Variants in ANO4 observed in about 807,000 individuals in gnomAD.
ANO4 encodes the protein anoctamin-4.
In ANO4, 69 loss-of-function variants were observed where a neutral mutation model predicts 141.9. The observed-to-expected ratio is 0.49, with a 90% CI of 0.40 to 0.59. The LOEUF is 0.59. Ranked by LOEUF, ANO4 falls within the 20% of genes least tolerant of loss-of-function variation. The pLI, the probability that ANO4 is intolerant of heterozygous loss-of-function variation, is 0.00. For missense variants in ANO4, 894 were observed against 1,162.2 expected (o/e 0.77, Z 3.36); for synonymous variants, 350 against 394.3 (o/e 0.89, Z 1.33).
chr12:101,125,244 C>G (rs1171792515), intron 26 of ANO4, among the ~76,000 whole-genome samples: 1 of 152,090 alleles, frequency 6.6e-6, no homozygotes, highest in South Asian at 2.1e-4. Flanking sequence ...AATGGGAGTT[C>G]ATCCATGATT....
intron 15 of ANO4, among the ~76,000 whole-genome samples, chr12:101,081,519 C>T (rs891159253): frequency 6.6e-6 from 1 of 152,194 alleles, no homozygotes; most frequent in African/African-American, 2.4e-5. Context: ...CATACGTAGC[C>T]ATTCCCAGCT....
intron 24 of ANO4, among the ~76,000 whole-genome samples, chr12:101,114,217 T>C (rs189926305): frequency 6.6e-6 from 1 of 152,368 alleles, no homozygotes; most frequent in East Asian, 1.9e-4. Context: ...CTGAATTTTA[T>C]ACAGCAAAAT....
At chr12:100,778,626 G>T (rs899869011) in intron 3 of ANO4, among the ~76,000 whole-genome samples, 1 of 152,004 alleles carries the variant, frequency 6.6e-6, no homozygotes, top group African/African-American at 2.4e-5. Context: ...TGGGTTCCTG[G>T]GATCTCCACC....
Position 100,901,641 on chromosome 12 carries a change from T to C in ANO4, c.-140-5T>C. 1.3e-6 allele frequency: 1 copy of C among 783,732 alleles called. No homozygotes were observed. The highest frequency in any genetic ancestry group is 2.3e-4 in the Middle Eastern group (1 of 4,382). The allele number at this position is 783,732 out of a possible 1,614,324, so 48.5% of individuals were successfully genotyped here. On this transcript the variant is annotated splice_polypyrimidine_tract_variant and splice_region_variant and intron_variant, in intron 1 of 27. Transcript: ENST00000392977. ...TCAGTCTAATGGTGCCATTTCTCAT[T>C]CCAGGTTTAAGTTTATCTATTCATG...
At chr12:100,823,800 C>T (rs1378475878) in intron 1 of ANO4, among the ~76,000 whole-genome samples, 1 of 151,900 alleles carries the variant, frequency 6.6e-6, no homozygotes, top group African/African-American at 2.4e-5. Flanking sequence ...TGTAGGTAGC[C>T]ACTGCAATAA....
chr12:100,983,714 C>T (rs1334890957), intron 7 of ANO4, among the ~76,000 whole-genome samples: 1 of 152,220 alleles, frequency 6.6e-6, no homozygotes, highest in African/African-American at 2.4e-5. Context: ...CCTTCTGCCA[C>T]ATCCCTCCTG....
chr12:101,036,290 G>A (rs755280072), intron 9 of ANO4, among the ~76,000 whole-genome samples: 10 of 151,996 alleles, frequency 6.6e-5, no homozygotes, highest in Non-Finnish European at 1.3e-4. Flanking sequence ...ACAATATAGA[G>A]GTTCTTTAAA....
At chr12:100,901,185 C>T (rs1175708025) in intron 1 of ANO4, among the ~76,000 whole-genome samples, 1 of 152,160 alleles carries the variant, frequency 6.6e-6, no homozygotes, top group Non-Finnish European at 1.5e-5. Flanking sequence ...GTTCATTATA[C>T]TATTCATTTT....
At chr12:100,904,405 AAGT>A (rs1407148720) in intron 2 of ANO4, among the ~76,000 whole-genome samples, 1 of 152,134 alleles carries the variant, frequency 6.6e-6, no homozygotes, top group African/African-American at 2.4e-5. Context: ...ATAAAAGAAA[AAGT>A]AGGGGAAGAG....
At chr12:100,784,358 C>T (rs556329948) in intron 3 of ANO4, among the ~76,000 whole-genome samples, 11 of 152,320 alleles carry the variant, frequency 7.2e-5, no homozygotes, top group African/African-American at 2.6e-4. Flanking sequence ...TTTTGGAACA[C>T]AGCGACTGTT....
intron 1 of ANO4, among the ~76,000 whole-genome samples, chr12:100,857,187 A>G (rs2038219388): frequency 6.6e-6 from 1 of 152,134 alleles, no homozygotes; most frequent in South Asian, 2.1e-4. Context: ...CACATTGTCC[A>G]GTTTTCAGTG....
intron 3 of ANO4, among the ~76,000 whole-genome samples, chr12:100,768,265 A>G (rs938765607): frequency 6.6e-6 from 1 of 152,116 alleles, no homozygotes; most frequent in African/African-American, 2.4e-5. Flanking sequence ...CACCATTCAG[A>G]GGGTATCTCC....
rs149391328 is a variant in ANO4 at position 100,841,383 on chromosome 12, A to G, written c.-141+46356A>G. Among the ~76,000 whole-genome samples, 391 of 152,266 alleles carry G rather than the reference A, an allele frequency of 2.6e-3. 2 individuals carry two copies. Among genetic ancestry groups the G allele is most frequent in the African/African-American group, 8.7e-3 (360 of 41,544 alleles). ...ATTCATTGAGTACCTGGTACGGTGGATAAGGTAGTGAATAAGACAAAGTCT... is the reference window on the plus strand; with the variant it reads ...ATTCATTGAGTACCTGGTACGGTGGGTAAGGTAGTGAATAAGACAAAGTCT... On this transcript the variant is annotated intron_variant, in intron 1 of 27. Transcript: ENST00000392977.
At chr12:100,839,937 A>G (rs2037148709) in intron 1 of ANO4, among the ~76,000 whole-genome samples, 2 of 152,130 alleles carry the variant, frequency 1.3e-5, no homozygotes, top group South Asian at 4.1e-4. Flanking sequence ...CATGAGTCCT[A>G]TAGTGCTTGA....
chr12:101,091,196 A>G (rs564049718), intron 17 of ANO4, among the ~76,000 whole-genome samples: 2 of 152,332 alleles, frequency 1.3e-5, no homozygotes, highest in Non-Finnish European at 2.9e-5. Flanking sequence ...CTAGAATAAC[A>G]TAAGGTTGCT....
intron 5 of ANO4, among the ~76,000 whole-genome samples, 184 bp from the exon 6 acceptor site, chr12:100,971,122 G>A (rs941314687): frequency 6.6e-6 from 1 of 152,190 alleles, no homozygotes; most frequent in Non-Finnish European, 1.5e-5. Flanking sequence ...GCTGACATGA[G>A]TGCCACACAC....
intron 1 of ANO4, among the ~76,000 whole-genome samples, chr12:100,845,516 T>C (rs2037510175): frequency 1.3e-5 from 2 of 152,192 alleles, no homozygotes; most frequent in South Asian, 4.1e-4. Flanking sequence ...TCCTTGTACA[T>C]TTTAGTAACA....
At chr12:100,771,917 C>T (rs2033317653) in intron 3 of ANO4, among the ~76,000 whole-genome samples, 1 of 152,208 alleles carries the variant, frequency 6.6e-6, no homozygotes, top group African/African-American at 2.4e-5. Flanking sequence ...GGGAGGGCAG[C>T]ATTCCCTGTG....
intron 1 of ANO4, among the ~76,000 whole-genome samples, chr12:100,871,271 C>T (rs909590956): frequency 4.6e-5 from 7 of 152,076 alleles, no homozygotes; most frequent in Admixed American, 1.3e-4. Flanking sequence ...CTTTCTAGGC[C>T]GTATTCCAAA....
Sources: allele counts gnomAD v4.1 joint callset (sites outside exome capture counted in the v4.1 genomes callset), GRCh38; gene constraint gnomAD v4.1.1; transcripts MANE v1.5; gene names NCBI Gene and HGNC (gene_info 2026-07-23, HGNC 2026-07-21).